The following BOD1L1 variants were observed in gnomAD, a reference collection of about 807,000 sequenced individuals.
The protein encoded by BOD1L1 is biorientation of chromosomes in cell division protein 1-like 1.
BOD1L1 carries 86 observed loss-of-function variants against 240.7 expected under a neutral mutation model. The observed-to-expected ratio is 0.36, with a 90% CI of 0.30 to 0.43. The LOEUF (loss-of-function observed/expected upper bound fraction) is 0.43. BOD1L1 is among the 20% of genes least tolerant of loss of function. The pLI is 1.00. For synonymous variants in BOD1L1, 1,268 were observed against 1,272.3 expected (o/e 1.00, Z 0.07); for missense variants, 3,554 against 3,643.5 (o/e 0.98, Z 0.63).
intron 12 of BOD1L1, among the ~76,000 whole-genome samples, chr4:13,595,027 G>A (rs184879713): frequency 3.4e-4 from 52 of 152,278 alleles, no homozygotes; most frequent in Non-Finnish European, 6.8e-4. Context: ...ACAGATACGA[G>A]AAATAGCTGT....
At chr4:13,627,320 C>A in intron 1 of BOD1L1, 25 bp downstream of exon 1, 2 of 1,257,944 alleles carry the variant, frequency 1.6e-6, no homozygotes, top group South Asian at 3.4e-5. Flanking sequence ...CCCTCGCAGA[C>A]CCCCAAACCC....
intron 14 of BOD1L1, among the ~76,000 whole-genome samples, chr4:13,589,094 C>T (rs1041621872): frequency 6.6e-6 from 1 of 152,142 alleles, no homozygotes; most frequent in Non-Finnish European, 1.5e-5. Flanking sequence ...AGGCCCTTCC[C>T]CCCAGTTTGT....
Position 13,601,978 on chromosome 4 carries a change from T to A in BOD1L1, c.4922A>T (p.Asn1641Ile). 6.2e-7 allele frequency: 1 copy of A among 1,614,032 alleles called. No individual in the cohort carries two copies. Among genetic ancestry groups the A allele is most frequent in the African/African-American group, 1.3e-5 (1 of 75,058 alleles). The change falls in exon 10 of 26, where the codon AAT becomes ATT. Residue 1641 changes from asparagine (N) to isoleucine (I), a missense_variant. Asn to Ile is a moderately radical substitution (Grantham distance 149). Around this residue, in one of 2 missense-constraint regions of BOD1L1, gnomAD observed 3,393 missense variants for 3,427.1 expected, o/e 0.99. Transcript: ENST00000040738. ...LAVHAVKIEA[N>I]VNSVVTEEKD... ...TTCCTCTGTCACAACGCTATTTACA[T>A]TGGCTTCGATTTTAACTGCATGCAC...
At chr4:13,608,804 A>T (rs985365267) in intron 7 of BOD1L1, 136 bp from the exon 8 acceptor site, 8 of 659,806 alleles carry the variant, frequency 1.2e-5, no homozygotes, top group Admixed American at 4.1e-5. Context: ...GCTGGAATAG[A>T]TATAATATTT....
chr4:13,615,891 C>A (rs1394601503), intron 2 of BOD1L1, among the ~76,000 whole-genome samples: 1 of 152,070 alleles, frequency 6.6e-6, no homozygotes, highest in Admixed American at 6.5e-5. Flanking sequence ...ATAAAATAAA[C>A]CTATGGTCTC....
chr4:13,614,179 T>C lies in BOD1L1; in HGVS notation c.1174+17A>G. On this transcript the variant is annotated intron_variant, in intron 4 of 25. Transcript: ENST00000040738. ...CTGTTCTTTAAACTTTGTAGATGTT[T>C]GCAAGTTTTTATATACCTTCTTTTG... is the stretch of plus-strand genomic sequence containing the variant. 1.4e-6 allele frequency: 2 copies of C among 1,471,698 alleles called. No individual in the cohort carries two copies. The highest frequency in any genetic ancestry group is 2.8e-5 in the South Asian group (2 of 70,472). The allele number at this position is 1,471,698 out of a possible 1,614,324, so 91.2% of individuals were successfully genotyped here.
chr4:13,606,068 T>C (rs1715676345), intron 9 of BOD1L1, among the ~76,000 whole-genome samples: 1 of 152,178 alleles, frequency 6.6e-6, no homozygotes, highest in Non-Finnish European at 1.5e-5. Flanking sequence ...TAGGTCAGTT[T>C]AACACTTCAT....
At chr4:13,573,849 T>C (rs1448406354) in intron 25 of BOD1L1, among the ~76,000 whole-genome samples, 1 of 152,056 alleles carries the variant, frequency 6.6e-6, no homozygotes, top group East Asian at 1.9e-4. Flanking sequence ...TAATTTAATT[T>C]AATTTTTTCT....
chr4:13,595,266 T>TG (rs1230403900), intron 12 of BOD1L1, among the ~76,000 whole-genome samples: 2 of 152,240 alleles, frequency 1.3e-5, no homozygotes, highest in Non-Finnish European at 2.9e-5. Flanking sequence ...AAAATCTCTT[T>TG]GGGGTCTTCG....
chr4:13,571,758 T>A (rs1356309732), intron 25 of BOD1L1, among the ~76,000 whole-genome samples: 1 of 152,232 alleles, frequency 6.6e-6, no homozygotes, highest in East Asian at 1.9e-4. Context: ...TCAAGTGATT[T>A]GACTGCATGT....
At chr4:13,586,905 CCTAA>C (rs752130661) in intron 16 of BOD1L1, among the ~76,000 whole-genome samples, 1 of 152,106 alleles carries the variant, frequency 6.6e-6, no homozygotes, top group Non-Finnish European at 1.5e-5. Context: ...GACAACACCA[CCTAA>C]CTTACAGGTT....
At chr4:13,580,528 C>T (rs1289857194) in intron 21 of BOD1L1, among the ~76,000 whole-genome samples, 1 of 152,188 alleles carries the variant, frequency 6.6e-6, no homozygotes, top group African/African-American at 2.4e-5. Context: ...CATTGAAATG[C>T]ATGCGATGGA....
chr4:13,582,793 C>T (rs900722537), intron 17 of BOD1L1, 57 bp from the exon 18 acceptor site: 6 of 1,168,016 alleles, frequency 5.1e-6, no homozygotes, highest in African/African-American at 4.6e-5. Context: ...TTCGTCCATT[C>T]ATCCTCCCCA....
intron 12 of BOD1L1, among the ~76,000 whole-genome samples, chr4:13,594,601 C>A (rs1212895817): frequency 6.6e-6 from 1 of 152,144 alleles, no homozygotes; most frequent in Non-Finnish European, 1.5e-5. Context: ...AAAACCCAAC[C>A]ATTGGCCGAG....
chr4:13,614,422 AT>A lies in BOD1L1; in HGVS notation c.947del (p.Asn316IlefsTer54). On this transcript the variant is annotated frameshift_variant, in exon 4 of 26. Coordinates refer to ENST00000040738, the MANE Select transcript of BOD1L1 (RefSeq NM_148894.3). LOFTEE classifies it high-confidence loss of function. ...DVQQESSEQK[N>X]KSTDKGEKKP... ...TCTTTTCACCTTTGTCTGTTGATTT[AT>A]TTTTTTGCTCACTGCTTTCCTGTTG... The A allele has an allele frequency of 6.3e-7, 1 of 1,593,422 alleles. No homozygotes were observed.
intron 17 of BOD1L1, among the ~76,000 whole-genome samples, chr4:13,584,697 C>G (rs1197244255): frequency 6.6e-6 from 1 of 152,180 alleles, no homozygotes; most frequent in African/African-American, 2.4e-5. Flanking sequence ...TGATGACACG[C>G]ACGCAACTCA....
intron 8 of BOD1L1, 25 bp downstream of exon 8, chr4:13,608,504 GA>G: frequency 1.3e-6 from 2 of 1,487,748 alleles, no homozygotes; most frequent in Non-Finnish European, 1.8e-6. Context: ...TGTTATAAGG[GA>G]AACATGACCA....
chr4:13,615,392 G>C lies in BOD1L1; in HGVS notation c.479C>G (p.Ala160Gly), dbSNP rs867660434. The C allele has an allele frequency of 6.2e-7, 1 of 1,613,694 alleles. No homozygotes were observed. The highest frequency in any genetic ancestry group is 1.1e-5 in the South Asian group (1 of 91,056). Residue 160 changes from alanine to glycine, a missense_variant, in exon 3 of 26, where the codon GCC (alanine) becomes GGC (glycine). This residue lies in a region of BOD1L1 where 161 missense variants were observed against 216.4 expected (regional missense o/e 0.74). Coordinates refer to ENST00000040738, the MANE Select transcript of BOD1L1 (RefSeq NM_148894.3). ...TCCTTCCTCTTTGTGATTTAGCGTGGCCAAAAACTCATGCACAGCTTTCTC... is the reference window on the plus strand; with the variant it reads ...TCCTTCCTCTTTGTGATTTAGCGTGCCCAAAAACTCATGCACAGCTTTCTC... ...QVEKAVHEFLATLNHKEEGSG... is the reference protein window; with the variant it reads ...QVEKAVHEFLGTLNHKEEGSG...
rs747942168 is a variant in BOD1L1, at chr4:13,599,947, A to G, written c.6953T>C (p.Ile2318Thr). ...AVLQDEDRLT[I>T]TRVEDLSDAA... ...ATCGCTCAAGTCTTCTACTCTTGTG[A>G]TGGTGAGCCGATCTTCATCCTGGAG... The change falls in exon 10 of 26, where the codon ATC becomes ACC. Residue 2318 changes from isoleucine to threonine, a missense_variant. Coordinates refer to ENST00000040738, the MANE Select transcript of BOD1L1 (RefSeq NM_148894.3). 3.7e-6 allele frequency: 6 copies of G among 1,612,926 alleles called. No homozygotes were observed. The highest frequency in any genetic ancestry group is 5.1e-6 in the Non-Finnish European group (6 of 1,179,406).
Sources: gnomAD v4.1 joint callset for allele counts (sites outside exome capture counted in the v4.1 genomes callset) on GRCh38, gnomAD v4.1.1 for gene constraint, gnomAD v4.1.1 regional missense constraint, MANE v1.5 for transcripts, NCBI Gene and HGNC (gene_info 2026-07-23, HGNC 2026-07-21) for gene names.